The following RCAN1 variants were observed in gnomAD, a reference collection of about 807,000 sequenced individuals.
RCAN1 encodes the protein calcipressin-1.
RCAN1 carries 11 observed loss-of-function variants against 22.9 expected under a neutral mutation model. The observed-to-expected ratio is 0.48, with a 90% CI of 0.30 to 0.79. The LOEUF (loss-of-function observed/expected upper bound fraction) is 0.79, where lower values mean the gene tolerates loss of function less well. Among genes scored for constraint, RCAN1 ranks in the 30% least tolerant of loss-of-function variants. RCAN1 has a pLI of 0.06. For missense variants in RCAN1, 291 were observed against 337.8 expected (o/e 0.86, Z 1.09); for synonymous variants, 136 against 142.3 (o/e 0.96, Z 0.32).
At chr21:34,585,811 G>C (rs952244070) in intron 1 of RCAN1, among the ~76,000 whole-genome samples, 8 of 146,740 alleles carry the variant, frequency 5.5e-5, no homozygotes, top group Non-Finnish European at 9.0e-5. Flanking sequence ...AGAACAAGTA[G>C]AACAAACAGA....
At chr21:34,579,400 C>T (rs1303939502) in intron 1 of RCAN1, among the ~76,000 whole-genome samples, 3 of 152,080 alleles carry the variant, frequency 2.0e-5, no homozygotes, top group Admixed American at 6.5e-5. Flanking sequence ...GAGAGTCCCA[C>T]CCCCCAAAAA....
At chr21:34,573,573 C>A (rs1480167063) in intron 1 of RCAN1, among the ~76,000 whole-genome samples, 2 of 152,182 alleles carry the variant, frequency 1.3e-5, no homozygotes, top group African/African-American at 4.8e-5. Flanking sequence ...ATGTTTCACA[C>A]CTTCTTATGA....
intron 1 of RCAN1, among the ~76,000 whole-genome samples, chr21:34,591,512 T>A (rs1601206259): frequency 6.6e-6 from 1 of 151,708 alleles, no homozygotes; most frequent in Non-Finnish European, 1.5e-5. Context: ...ATGGGAAGGG[T>A]CCAACCAGCC....
chr21:34,566,327 A>C (rs189300487), intron 1 of RCAN1, among the ~76,000 whole-genome samples: 4 of 152,322 alleles, frequency 2.6e-5, no homozygotes, highest in African/African-American at 9.6e-5. Context: ...ACCCTTCCTG[A>C]ACAAATGGCC....
intron 1 of RCAN1, among the ~76,000 whole-genome samples, chr21:34,546,023 T>C (rs556145032): frequency 6.6e-6 from 1 of 152,336 alleles, no homozygotes; most frequent in African/African-American, 2.4e-5. Flanking sequence ...TGGATCTCTG[T>C]GGGTTGAAAA....
intron 1 of RCAN1, among the ~76,000 whole-genome samples, chr21:34,573,690 G>A (rs966758856): frequency 1.3e-5 from 2 of 152,156 alleles, no homozygotes; most frequent in Non-Finnish European, 2.9e-5. Flanking sequence ...ACATGTTCCT[G>A]CATCTGGACT....
chr21:34,551,164 G>A (rs2284583), intron 1 of RCAN1, among the ~76,000 whole-genome samples: 36,560 of 151,930 alleles, frequency 0.24, 5,076 homozygotes, highest in African/African-American at 0.39. Flanking sequence ...AAAGGCACCC[G>A]TGACGCTAAG....
intron 1 of RCAN1, chr21:34,526,688 T>C (rs1213290050): frequency 6.2e-7 from 1 of 1,613,532 alleles, no homozygotes; most frequent in Non-Finnish European, 8.5e-7. Flanking sequence ...GCTGAAGATA[T>C]CACTGTTTGC....
chr21:34,527,000 G>A (rs778337844), intron 1 of RCAN1: 153 of 1,289,212 alleles, frequency 1.2e-4, no homozygotes, highest in Admixed American at 1.7e-4. Flanking sequence ...AAGAGGTGAC[G>A]TCAACACCTT....
chr21:34,588,331 G>C (rs1987866883), intron 1 of RCAN1, among the ~76,000 whole-genome samples: 1 of 152,150 alleles, frequency 6.6e-6, no homozygotes, highest in African/African-American at 2.4e-5. Flanking sequence ...GCTGGGGAGG[G>C]ACATGAAGGA....
intron 1 of RCAN1, among the ~76,000 whole-genome samples, chr21:34,538,424 T>C (rs1985773674): frequency 6.6e-6 from 1 of 152,110 alleles, no homozygotes; most frequent in Non-Finnish European, 1.5e-5. Context: ...GGCTCTACTG[T>C]CCTCTGTAGA....
chr21:34,540,149 C>T (rs1985849942), intron 1 of RCAN1, among the ~76,000 whole-genome samples: 1 of 152,186 alleles, frequency 6.6e-6, no homozygotes, highest in East Asian at 1.9e-4. Flanking sequence ...ACATAATAAA[C>T]TTCTCCCCAT....
In RCAN1 at chr21:34,596,562, C is replaced by T. The variant is rs146196348; in HGVS notation, c.252+18198G>A. 5.9e-5 allele frequency among the ~76,000 whole-genome samples: 9 copies of T among 152,314 alleles called. No homozygotes were observed. In the East Asian group the frequency reaches 1.2e-3, roughly 20 times the overall value. ...CTATATTCTCTCCACTCCCTGACCA[C>T]GGCAGGCTGGGTTCTCGTAAGGTTT... On this transcript the variant is annotated intron_variant, in intron 1 of 3. Transcript: ENST00000313806.
chr21:34,541,230 A>G (rs963564561), intron 1 of RCAN1, among the ~76,000 whole-genome samples: 3 of 152,230 alleles, frequency 2.0e-5, no homozygotes, highest in Non-Finnish European at 2.9e-5. Context: ...AGCTAGGTAT[A>G]TAAGAATCCC....
chr21:34,594,270 TG>T (rs1372122531), intron 1 of RCAN1, among the ~76,000 whole-genome samples: 1 of 151,934 alleles, frequency 6.6e-6, no homozygotes, highest in Non-Finnish European at 1.5e-5. Context: ...AAAAGAAGGG[TG>T]GGCCGGGCGC....
At chr21:34,580,798 G>C (rs1450194996) in intron 1 of RCAN1, among the ~76,000 whole-genome samples, 2 of 152,228 alleles carry the variant, frequency 1.3e-5, no homozygotes, top group Non-Finnish European at 2.9e-5. Context: ...CTTGCACGAA[G>C]AAGGGACCCA....
chr21:34,524,088 T>G (rs1984822787), intron 1 of RCAN1: 1 of 157,350 alleles, frequency 6.4e-6, no homozygotes, highest in South Asian at 1.9e-4. Flanking sequence ...CCTCAATACA[T>G]TTTTTACTGA....
intron 1 of RCAN1, among the ~76,000 whole-genome samples, chr21:34,599,197 C>T (rs1488796351): frequency 6.6e-6 from 1 of 152,068 alleles, no homozygotes; most frequent in Non-Finnish European, 1.5e-5. Flanking sequence ...ATGCTATTTG[C>T]AACATTATTT....
rs533111870 is a variant in RCAN1 at position 34,614,269 on chromosome 21, G to A, written c.252+491C>T. On this transcript the variant is annotated intron_variant, in intron 1 of 3. Coordinates refer to ENST00000313806, the MANE Select transcript of RCAN1 (RefSeq NM_004414.7). This position sits in a 1 kb window ranked among gnomAD's most constrained non-coding sequence, Gnocchi z 6.0. ...AGCCGCTGGCTAATGAGCAACCACG[G>A]ATCCTCACCCAAACATTGGCTTTTC... 90 of 994,382 alleles carry A rather than the reference G, an allele frequency of 9.1e-5. 1 individual carries two copies. The African/African-American group carries it at 1.5e-3, about 16-fold the overall frequency. 61.6% of individuals were successfully genotyped at this position (994,382 alleles called of 1,614,324 possible). A position where few individuals can be genotyped will look rare whatever the true frequency, so the allele number is the denominator to read the frequency against.
Sources: gnomAD v4.1 joint callset for allele counts (sites outside exome capture counted in the v4.1 genomes callset) on GRCh38, gnomAD v4.1.1 for gene constraint, Gnocchi (gnomAD v3.1) non-coding constraint, MANE v1.5 for transcripts, NCBI Gene and HGNC (gene_info 2026-07-23, HGNC 2026-07-21) for gene names.